Variants in TSPAN9 observed in about 807,000 individuals in gnomAD.
TSPAN9 encodes the protein tetraspanin-9.
Under a neutral mutation model 31.0 loss-of-function variants are expected in TSPAN9, and 16 were observed. That is an observed-to-expected ratio of 0.52 (90% CI 0.35 to 0.78). TSPAN9 has a LOEUF of 0.78. Ranked by LOEUF, TSPAN9 falls within the 30% of genes least tolerant of loss-of-function variation. The pLI, the probability that TSPAN9 is intolerant of heterozygous loss-of-function variation, is 0.01. For missense variants in TSPAN9, 272 were observed against 312.5 expected (o/e 0.87, Z 0.98); for synonymous variants, 145 against 121.6 (o/e 1.19, Z -1.27).
At chr12:3,245,507 T>TC (rs1862105490) in intron 3 of TSPAN9, among the ~76,000 whole-genome samples, 1 of 152,192 alleles carries the variant, frequency 6.6e-6, no homozygotes, top group Non-Finnish European at 1.5e-5. Flanking sequence ...GGGCAAAGTT[T>TC]CCCCTTGATT....
chr12:3,209,480 T>C (rs1591678501), intron 3 of TSPAN9, among the ~76,000 whole-genome samples: 1 of 152,174 alleles, frequency 6.6e-6, no homozygotes, highest in East Asian at 1.9e-4. Context: ...TTTAGGACAG[T>C]GCTTCTGGAA....
At chr12:3,266,377 A>G (rs545131503) in intron 3 of TSPAN9, among the ~76,000 whole-genome samples, 3 of 152,198 alleles carry the variant, frequency 2.0e-5, no homozygotes, top group Non-Finnish European at 4.4e-5. Context: ...TATAGAGGCA[A>G]AGCACTCAGA....
At chr12:3,267,401 CA>C (rs1453673922) in intron 3 of TSPAN9, among the ~76,000 whole-genome samples, 2 of 152,208 alleles carry the variant, frequency 1.3e-5, no homozygotes, top group Non-Finnish European at 2.9e-5. Context: ...AGAAACATCT[CA>C]GAAAGGTTAA....
At chr12:3,159,680 A>G (rs1415760060) in intron 2 of TSPAN9, among the ~76,000 whole-genome samples, 1 of 152,208 alleles carries the variant, frequency 6.6e-6, no homozygotes, top group Non-Finnish European at 1.5e-5. Context: ...CAGCATGGGC[A>G]TCATGGCAAG....
intron 2 of TSPAN9, among the ~76,000 whole-genome samples, chr12:3,086,870 G>T (rs1349387772): frequency 1.3e-5 from 2 of 152,244 alleles, no homozygotes; most frequent in African/African-American, 4.8e-5. Context: ...GCCCTCGTGG[G>T]CAGTGACCCT....
chr12:3,158,665 T>G (rs7966730), intron 2 of TSPAN9, among the ~76,000 whole-genome samples: 28,999 of 136,496 alleles, frequency 0.21, 2,937 homozygotes, highest in Middle Eastern at 0.32. Flanking sequence ...GAGGTTGCAG[T>G]GAGCCGAGAT....
chr12:3,125,301 A>G (rs2098326849), intron 2 of TSPAN9, among the ~76,000 whole-genome samples: 1 of 152,028 alleles, frequency 6.6e-6, no homozygotes, highest in African/African-American at 2.4e-5. Flanking sequence ...GTCTCAGAGG[A>G]TTGCAGAGTG....
chr12:3,228,829 A>G (rs1284491252), intron 3 of TSPAN9, among the ~76,000 whole-genome samples: 1 of 152,210 alleles, frequency 6.6e-6, no homozygotes, highest in Admixed American at 6.5e-5. Context: ...GATGTCTGAA[A>G]TTGAAGTGTT....
chr12:3,116,129 A>G (rs1663466500), intron 2 of TSPAN9, among the ~76,000 whole-genome samples: 1 of 152,204 alleles, frequency 6.6e-6, no homozygotes, highest in African/African-American at 2.4e-5. Flanking sequence ...CTGGGAAAAC[A>G]ACTTGATCCC....
Position 3,170,097 on chromosome 12 carries a change from C to T in TSPAN9, c.-17-31080C>T, listed in dbSNP as rs1010512771. On this transcript the variant is annotated intron_variant, in intron 2 of 8. Coordinates refer to ENST00000011898, the MANE Select transcript of TSPAN9 (RefSeq NM_006675.5). This position sits in a 1 kb window ranked among gnomAD's most constrained non-coding sequence, Gnocchi z 4.4. ...AGTCCCTTTACTTCTCTCTGTTCCA[C>T]GTCCTTCATCTGGGAATAATAATAC... 2.0e-5 allele frequency among the ~76,000 whole-genome samples: 3 copies of T among 152,290 alleles called. No homozygotes were observed. The highest frequency in any genetic ancestry group is 6.5e-5 in the Admixed American group (1 of 15,304).
intron 2 of TSPAN9, among the ~76,000 whole-genome samples, chr12:3,163,455 T>C (rs1428854288): frequency 6.6e-6 from 1 of 152,200 alleles, no homozygotes; most frequent in African/African-American, 2.4e-5. Context: ...CTTTCTGTTC[T>C]CATTTTATGT....
chr12:3,080,128 C>T (rs1391325506), intron 1 of TSPAN9, among the ~76,000 whole-genome samples: 2 of 151,996 alleles, frequency 1.3e-5, no homozygotes, highest in East Asian at 3.9e-4. Flanking sequence ...CCTGGCACCA[C>T]CTATTTGTGC....
chr12:3,198,603 C>T (rs1212792238), intron 2 of TSPAN9, among the ~76,000 whole-genome samples: 2 of 110,592 alleles, frequency 1.8e-5, no homozygotes, highest in African/African-American at 6.8e-5. Context: ...CAGGTCACAC[C>T]AGCACAGGTC....
chr12:3,278,696 T>C, intron 4 of TSPAN9, 84 bp downstream of exon 4: 10 of 1,534,918 alleles, frequency 6.5e-6, no homozygotes, highest in Non-Finnish European at 7.9e-6. Context: ...CCTGGAATAT[T>C]AGCCACCTGG....
intron 3 of TSPAN9, among the ~76,000 whole-genome samples, chr12:3,246,835 AG>A (rs1205482373): frequency 6.6e-6 from 1 of 152,082 alleles, no homozygotes; most frequent in Non-Finnish European, 1.5e-5. Context: ...CCCTAGGACC[AG>A]GGGGGAAGAC....
chr12:3,115,911 G>C (rs1326860424), intron 2 of TSPAN9, among the ~76,000 whole-genome samples: 1 of 152,208 alleles, frequency 6.6e-6, no homozygotes, highest in Non-Finnish European at 1.5e-5. Context: ...CACTAGAAGT[G>C]TGTGAGGACT....
At chr12:3,202,911 C>T (rs1218421279) in intron 3 of TSPAN9, among the ~76,000 whole-genome samples, 1 of 152,220 alleles carries the variant, frequency 6.6e-6, no homozygotes, top group African/African-American at 2.4e-5. Context: ...GGGCCAGTGC[C>T]TCCTGGTCCT....
intron 3 of TSPAN9, among the ~76,000 whole-genome samples, chr12:3,264,302 C>T (rs1375970283): frequency 2.0e-5 from 3 of 152,220 alleles, no homozygotes; most frequent in Non-Finnish European, 2.9e-5. Flanking sequence ...TCGGCCCCTT[C>T]TGGGTCACAG....
intron 2 of TSPAN9, among the ~76,000 whole-genome samples, chr12:3,104,429 T>C (rs1035314192): frequency 2.0e-5 from 3 of 152,072 alleles, no homozygotes; most frequent in African/African-American, 7.2e-5. Flanking sequence ...CATGGCTCAC[T>C]GAAGCCTCAA....
Sources: gnomAD v4.1 joint callset for allele counts (sites outside exome capture counted in the v4.1 genomes callset) on GRCh38, gnomAD v4.1.1 for gene constraint, Gnocchi (gnomAD v3.1) non-coding constraint, MANE v1.5 for transcripts, NCBI Gene and HGNC (gene_info 2026-07-23, HGNC 2026-07-21) for gene names.